The following HIP1 variants were observed in gnomAD, a reference collection of about 807,000 sequenced individuals.
HIP1 encodes the protein huntingtin-interacting protein 1.
A neutral mutation model predicts 147.6 loss-of-function variants in HIP1; 65 were observed. The ratio of observed to expected loss-of-function variants is 0.44; its 90% CI spans 0.36 to 0.54. The LOEUF (loss-of-function observed/expected upper bound fraction) is 0.54, where lower values mean the gene tolerates loss of function less well. Among genes scored for constraint, HIP1 ranks in the 20% least tolerant of loss-of-function variants. The probability of loss-of-function intolerance (pLI) is 0.00; values close to 1 mark genes in which losing one functional copy is unlikely to be tolerated. For synonymous variants in HIP1, 479 were observed against 504.0 expected (o/e 0.95, Z 0.67); for missense variants, 1,061 against 1,299.6 (o/e 0.82, Z 2.82).
At position 75,595,251 on chromosome 7, in the gene HIP1, T is replaced by TCTTTCTTTCTTC. The variant is rs1491144475; in HGVS notation, c.185-2738_185-2737insGAAGAAAGAAAG. Among the ~76,000 whole-genome samples, 108 of 59,464 alleles carry TCTTTCTTTCTTC rather than the reference T, an allele frequency of 1.8e-3. 1 individual carries two copies. The highest frequency in any genetic ancestry group is 6.3e-3 in the Middle Eastern group (1 of 158). The allele number at this position is 59,464 out of a possible 152,430, so 39.0% of individuals were successfully genotyped here. The stretch of plus-strand genomic sequence containing the variant: ...TTCTTTCTTTCTTTCTTTCTTTCTT[T>TCTTTCTTTCTTC]CTTCCTTCCTTCCTTCCTTCCTTCC... On this transcript the variant is annotated intron_variant, in intron 2 of 30. Coordinates refer to ENST00000336926, the MANE Select transcript of HIP1 (RefSeq NM_005338.7).
chr7:75,595,255 C>CTTTCTTTCTTTCTTTTT (rs1491555852), intron 2 of HIP1, among the ~76,000 whole-genome samples: 11 of 68,362 alleles, frequency 1.6e-4, no homozygotes, highest in African/African-American at 4.3e-4. Context: ...TTTCTTTCTT[C>CTTTCTTTCTTTCTTTTT]CTTCCTTCCT....
chr7:75,593,700 G>A (rs1796583900), intron 2 of HIP1, among the ~76,000 whole-genome samples: 1 of 151,338 alleles, frequency 6.6e-6, no homozygotes, highest in Admixed American at 6.6e-5. Flanking sequence ...CCTGCAGGGA[G>A]TCCTGCACCT....
At chr7:75,696,206 T>C (rs1181859265) in intron 1 of HIP1, among the ~76,000 whole-genome samples, 3 of 151,756 alleles carry the variant, frequency 2.0e-5, no homozygotes, top group African/African-American at 7.3e-5. Context: ...CAGGCTGGTC[T>C]CGAACTCCTG....
intron 30 of HIP1, among the ~76,000 whole-genome samples, chr7:75,539,122 C>T (rs1554489335): frequency 6.6e-6 from 1 of 152,192 alleles, no homozygotes; most frequent in African/African-American, 2.4e-5. Flanking sequence ...CAAAAGCTTT[C>T]AAATCACCAT....
intron 1 of HIP1, among the ~76,000 whole-genome samples, chr7:75,693,455 G>A (rs999693985): frequency 9.2e-5 from 14 of 152,140 alleles, no homozygotes; most frequent in East Asian, 7.7e-4. Flanking sequence ...TTGTCTTGCC[G>A]AAGTGTGCCC....
intron 1 of HIP1, chr7:75,624,999 T>C (rs1797988078): frequency 6.6e-6 from 1 of 151,256 alleles, no homozygotes; most frequent in African/African-American, 2.4e-5. Context: ...AGTGGTGTGA[T>C]CTTGGCTCAC....
intron 11 of HIP1, among the ~76,000 whole-genome samples, chr7:75,562,475 T>C (rs1795260228): frequency 6.6e-6 from 1 of 152,048 alleles, no homozygotes; most frequent in African/African-American, 2.4e-5. Flanking sequence ...TTTAATTTTA[T>C]GTATTTATAT....
rs11976516 is a variant in HIP1 at position 75,535,189 on chromosome 7, C to T, written c.*2983G>A. 793 of 211,644 alleles carry T rather than the reference C, an allele frequency of 3.7e-3. 3 individuals are homozygous for T. Among genetic ancestry groups the T allele is most frequent in the African/African-American group, 0.017 (750 of 44,214 alleles). The allele number at this position is 211,644 out of a possible 1,614,324, so 13.1% of individuals were successfully genotyped here. On this transcript the variant is annotated 3_prime_UTR_variant, in exon 31 of 31. Coordinates refer to ENST00000336926, the MANE Select transcript of HIP1 (RefSeq NM_005338.7). ...TTAACCGTTATGACTCAGGCTAAGT[C>T]GATGAAGTTTTTAAACATTTCTGTG...
rs1322757311 is a variant in HIP1, at chr7:75,546,081, C to CA, written c.2559+857dup. Among the ~76,000 whole-genome samples the CA allele has an allele frequency of 2.6e-5, 4 of 152,200 alleles. No homozygotes were observed. In the South Asian group the frequency reaches 6.2e-4, roughly 24 times the overall value. ...AAAGCCTGTAGCATTTCTACCATAC[C>CA]ATGACATTTCTGTATTGTATATATA... On this transcript the variant is annotated intron_variant, in intron 25 of 30. Coordinates refer to ENST00000336926, the MANE Select transcript of HIP1 (RefSeq NM_005338.7).
intron 1 of HIP1, among the ~76,000 whole-genome samples, chr7:75,629,169 G>C (rs1324610737): frequency 1.3e-5 from 2 of 152,166 alleles, no homozygotes; most frequent in Non-Finnish European, 2.9e-5. Context: ...CCCACGGTTT[G>C]CAACTCCCAC....
At chr7:75,717,676 C>CCAAAAAAAAA (rs1801363240) in intron 1 of HIP1, among the ~76,000 whole-genome samples, 1 of 117,742 alleles carries the variant, frequency 8.5e-6, no homozygotes, top group Non-Finnish European at 1.7e-5. Context: ...ACTAAAAATA[C>CCAAAAAAAAA]AAAAAAAAAA....
chr7:75,646,466 C>T (rs573987917), intron 1 of HIP1, among the ~76,000 whole-genome samples: 2 of 152,384 alleles, frequency 1.3e-5, no homozygotes, highest in Non-Finnish European at 2.9e-5. Context: ...TCACCTGCAG[C>T]GTGCCAGGGG....
chr7:75,639,969 C>A (rs1222242974), intron 1 of HIP1, among the ~76,000 whole-genome samples: 1 of 152,166 alleles, frequency 6.6e-6, no homozygotes, highest in African/African-American at 2.4e-5. Context: ...AAATTGGCTC[C>A]GTGGTTCCTA....
chr7:75,637,992 C>CAA (rs1563261802), intron 1 of HIP1, among the ~76,000 whole-genome samples: 2 of 48,624 alleles, frequency 4.1e-5, no homozygotes, highest in East Asian at 1.1e-3. Flanking sequence ...CCCCCCCCCC[C>CAA]CACACACACA....
At chr7:75,596,508 TCCCAAG>T (rs1796752846) in intron 2 of HIP1, among the ~76,000 whole-genome samples, 1 of 152,126 alleles carries the variant, frequency 6.6e-6, no homozygotes, top group Non-Finnish European at 1.5e-5. Flanking sequence ...TGCCACAGCC[TCCCAAG>T]TAGCTGGGAT....
intron 1 of HIP1, among the ~76,000 whole-genome samples, chr7:75,629,611 T>C (rs2117120804): frequency 6.6e-6 from 1 of 152,060 alleles, no homozygotes; most frequent in South Asian, 2.1e-4. Context: ...GCTGCAATCT[T>C]GGCTCACTGC....
chr7:75,698,892 G>A (rs1276874399), intron 1 of HIP1, among the ~76,000 whole-genome samples: 1 of 151,976 alleles, frequency 6.6e-6, no homozygotes, highest in Non-Finnish European at 1.5e-5. Context: ...TTCACTTGTA[G>A]GTAAAAATAA....
rs575158497 is a variant in HIP1 at position 75,708,357 on chromosome 7, A to G, written c.120+30444T>C. Among the ~76,000 whole-genome samples the G allele has an allele frequency of 9.5e-4, 144 of 152,250 alleles. 1 individual carries two copies. The highest frequency in any genetic ancestry group is 3.4e-3 in the African/African-American group (142 of 41,556). On this transcript the variant is annotated intron_variant, in intron 1 of 30. Transcript: ENST00000336926. ...GCCCCAAAAGTGTTAATTTTCATGA[A>G]GTCCAGTTTGTCTGGTTTTGTAGTT...
chr7:75,619,341 G>A (rs1450992383), intron 1 of HIP1, among the ~76,000 whole-genome samples: 4 of 151,988 alleles, frequency 2.6e-5, no homozygotes, highest in African/African-American at 9.7e-5. Context: ...TGGCCAACAT[G>A]GTGAAACCCC....
Sources: gnomAD v4.1 joint callset for allele counts (sites outside exome capture counted in the v4.1 genomes callset) on GRCh38, gnomAD v4.1.1 for gene constraint, MANE v1.5 for transcripts, NCBI Gene and HGNC (gene_info 2026-07-23, HGNC 2026-07-21) for gene names.